Variants in NR5A2 observed in about 807,000 individuals in gnomAD.
NR5A2 encodes nuclear receptor subfamily 5 group A member 2.
NR5A2 carries 26 observed loss-of-function variants against 62.7 expected under a neutral mutation model. The ratio of observed to expected loss-of-function variants is 0.41; its 90% CI spans 0.30 to 0.58. NR5A2 has a LOEUF of 0.58. Ranked by LOEUF, NR5A2 falls within the 20% of genes least tolerant of loss-of-function variation. NR5A2 has a pLI of 0.22. For synonymous variants in NR5A2, 246 were observed against 241.7 expected, an observed-to-expected ratio of 1.02 and a Z score of -0.16; for missense variants, 541 against 669.1, an observed-to-expected ratio of 0.81 and a Z score of 2.11.
intron 6 of NR5A2, among the ~76,000 whole-genome samples, chr1:200,114,222 A>ATG (rs1467651146): frequency 2.5e-5 from 1 of 40,738 alleles, no homozygotes; most frequent in African/African-American, 6.8e-5. Flanking sequence ...TAGAAGATAT[A>ATG]TATATATATA....
chr1:200,166,894 C>A (rs542011076), intron 7 of NR5A2, among the ~76,000 whole-genome samples: 1 of 152,308 alleles, frequency 6.6e-6, no homozygotes. Context: ...ACACTTGTCA[C>A]ATTAATTGGT....
chr1:200,150,382 A>T (rs1653012513), intron 7 of NR5A2, among the ~76,000 whole-genome samples: 1 of 152,222 alleles, frequency 6.6e-6, no homozygotes, highest in Non-Finnish European at 1.5e-5. Flanking sequence ...GAACTCTAGT[A>T]ACTATCATCT....
intron 7 of NR5A2, among the ~76,000 whole-genome samples, chr1:200,164,350 C>T (rs371698211): frequency 6.6e-6 from 1 of 152,172 alleles, no homozygotes; most frequent in South Asian, 2.1e-4. Context: ...ATCAGGAATT[C>T]GTTCTTGGGA....
intron 7 of NR5A2, among the ~76,000 whole-genome samples, chr1:200,156,485 C>T (rs1354060477): frequency 6.6e-6 from 1 of 152,156 alleles, no homozygotes; most frequent in Non-Finnish European, 1.5e-5. Context: ...GCAACTTCTG[C>T]CTCCCGGGTT....
At chr1:200,034,035 A>G (rs762167584) in intron 1 of NR5A2, among the ~76,000 whole-genome samples, 10 of 152,204 alleles carry the variant, frequency 6.6e-5, no homozygotes, top group Non-Finnish European at 1.0e-4. Flanking sequence ...GCAATGCAGG[A>G]TGTTTCCCCT....
chr1:200,126,683 AT>A (rs3034021), intron 7 of NR5A2, among the ~76,000 whole-genome samples: 483 of 144,912 alleles, frequency 3.3e-3, no homozygotes, highest in South Asian at 9.8e-3. Context: ...TATGAAGGGG[AT>A]TTTTTTTTTT....
chr1:200,073,235 CATATAT>C (rs3033980), intron 5 of NR5A2, among the ~76,000 whole-genome samples: 1,968 of 105,904 alleles, frequency 0.019, 165 homozygotes, highest in African/African-American at 0.069. Context: ...CATTTACATA[CATATAT>C]ATATATATAT....
At position 200,093,986 on chromosome 1, in the gene NR5A2, C is replaced by G. The variant is rs773413333; in HGVS notation, c.1111-17216C>G. 2.6e-5 allele frequency among the ~76,000 whole-genome samples: 4 copies of G among 152,098 alleles called. No individual in the cohort carries two copies. In the South Asian group the frequency reaches 8.3e-4, roughly 32 times the overall value. On this transcript the variant is annotated intron_variant, in intron 5 of 7. Coordinates refer to ENST00000367362, the MANE Select transcript of NR5A2 (RefSeq NM_205860.3). ...CCTGGCCAATATGGTGAAACTCCGT[C>G]TCTACTAAAAATACAAAAATAAAAA... is the stretch of plus-strand genomic sequence containing the variant.
intron 1 of NR5A2, among the ~76,000 whole-genome samples, chr1:200,028,425 C>CAAAAAAAAA: frequency 1.2e-5 from 1 of 83,634 alleles, no homozygotes; most frequent in Non-Finnish European, 2.7e-5. Flanking sequence ...CCCCCACCTC[C>CAAAAAAAAA]AAAAAAAAAA....
chr1:200,137,317 AT>A (rs775106954), intron 7 of NR5A2, among the ~76,000 whole-genome samples: 918 of 131,122 alleles, frequency 7.0e-3, no homozygotes, highest in Middle Eastern at 0.012. Flanking sequence ...CACCTGGCTA[AT>A]TTTTTTTTTT....
intron 5 of NR5A2, among the ~76,000 whole-genome samples, chr1:200,064,809 G>A (rs1460216130): frequency 5.9e-5 from 9 of 152,088 alleles, no homozygotes; most frequent in Admixed American, 6.5e-5. Flanking sequence ...TATCTTTTAT[G>A]TCCTTAGTTA....
At chr1:200,133,524 TATACACACAC>T (rs1393707272) in intron 7 of NR5A2, among the ~76,000 whole-genome samples, 41 of 96,850 alleles carry the variant, frequency 4.2e-4, no homozygotes, top group South Asian at 9.5e-4. Flanking sequence ...TATATATATA[TATACACACAC>T]ATATATATAT....
chr1:200,136,159 A>G (rs964360522), intron 7 of NR5A2, among the ~76,000 whole-genome samples: 5 of 152,090 alleles, frequency 3.3e-5, no homozygotes, highest in Admixed American at 3.3e-4. Flanking sequence ...AGAAAGTGGA[A>G]TGGCTAGGCT....
At chr1:200,074,351 G>A (rs1571426662) in intron 5 of NR5A2, among the ~76,000 whole-genome samples, 1 of 151,188 alleles carries the variant, frequency 6.6e-6, no homozygotes, top group Non-Finnish European at 1.5e-5. Context: ...GGGAGGCTGA[G>A]GTGGGAGGAT....
At chr1:200,031,979 C>T (rs1377747246) in intron 1 of NR5A2, among the ~76,000 whole-genome samples, 1 of 152,176 alleles carries the variant, frequency 6.6e-6, no homozygotes, top group African/African-American at 2.4e-5. Context: ...CTCTACCAGA[C>T]ACAATGTCTA....
At chr1:200,107,806 G>GT (rs912522069) in intron 5 of NR5A2, among the ~76,000 whole-genome samples, 1 of 150,444 alleles carries the variant, frequency 6.6e-6, no homozygotes, top group African/African-American at 2.5e-5. Context: ...GACCTGGCTA[G>GT]TTTTTTAAGA....
Position 200,176,684 on chromosome 1 carries a change from G to A in NR5A2, c.*2474G>A, listed in dbSNP as rs1393703128. 6.6e-6 allele frequency: 1 copy of A among 151,956 alleles called. No individual in the cohort carries two copies. The highest frequency in any genetic ancestry group is 1.5e-5 in the Non-Finnish European group (1 of 68,002). The allele number at this position is 151,956 out of a possible 1,614,324, so 9.4% of individuals were successfully genotyped here. Reference sequence around the variant, plus strand: ...TTTTATTTTATTTTTTATTTTAAGAGGCGGGATCTTGATCTCACATGTTGC... The same window carrying A: ...TTTTATTTTATTTTTTATTTTAAGAAGCGGGATCTTGATCTCACATGTTGC... On this transcript the variant is annotated 3_prime_UTR_variant, in exon 8 of 8. Transcript: ENST00000367362.
At chr1:200,032,030 A>C (rs1312181989) in intron 1 of NR5A2, among the ~76,000 whole-genome samples, 1 of 152,242 alleles carries the variant, frequency 6.6e-6, no homozygotes, top group Non-Finnish European at 1.5e-5. Context: ...GTTGAGCTAG[A>C]GAAGGGCACA....
Position 200,114,231 on chromosome 1 carries a change from T to TAC in NR5A2, c.1230+2911_1230+2912insCA, listed in dbSNP as rs759757141. 8.2e-3 allele frequency among the ~76,000 whole-genome samples: 1,072 copies of TAC among 130,866 alleles called. 8 individuals carry two copies. Among genetic ancestry groups the TAC allele is most frequent in the African/African-American group, 0.026 (898 of 34,914 alleles). The allele number at this position is 130,866 out of a possible 152,430, so 85.9% of individuals were successfully genotyped here. A position where few individuals can be genotyped will look rare whatever the true frequency, so the allele number is the denominator to read the frequency against. On this transcript the variant is annotated intron_variant, in intron 6 of 7. Coordinates refer to ENST00000367362, the MANE Select transcript of NR5A2 (RefSeq NM_205860.3). The stretch of plus-strand genomic sequence containing the variant: ...GGAAGCTAGAAGATATATATATATA[T>TAC]ATACACACACACACATACACACAAA...
Sources: allele counts gnomAD v4.1 joint callset (sites outside exome capture counted in the v4.1 genomes callset), GRCh38; gene constraint gnomAD v4.1.1; transcripts MANE v1.5; gene names NCBI Gene and HGNC (gene_info 2026-07-23, HGNC 2026-07-21).